Variants in ZEB2 observed in about 807,000 individuals in gnomAD.
ZEB2 encodes the protein zinc finger E-box binding homeobox 2, also known as zinc finger E-box-binding homeobox 2.
Under a neutral mutation model 99.9 loss-of-function variants are expected in ZEB2, and 6 were observed. The observed-to-expected ratio is 0.06, with a 90% CI of 0.03 to 0.12. ZEB2 has a LOEUF of 0.12. Among genes scored for constraint, ZEB2 ranks in the 10% least tolerant of loss-of-function variants. The pLI, the probability that ZEB2 is intolerant of heterozygous loss-of-function variation, is 1.00. For missense variants in ZEB2, 969 were observed against 1,502.8 expected (o/e 0.64, Z 5.87); for synonymous variants, 517 against 542.5 (o/e 0.95, Z 0.65).
At chr2:144,481,873 G>C (rs1293966050) in intron 2 of ZEB2, among the ~76,000 whole-genome samples, 2 of 152,132 alleles carry the variant, frequency 1.3e-5, no homozygotes, top group African/African-American at 4.8e-5. Flanking sequence ...TAACCATCAA[G>C]TTTACCTCCC....
At chr2:144,466,598 C>T (rs1315185818) in intron 2 of ZEB2, among the ~76,000 whole-genome samples, 2 of 152,102 alleles carry the variant, frequency 1.3e-5, no homozygotes, top group African/African-American at 4.8e-5. Flanking sequence ...CTGAATCTTC[C>T]GCTGTGCAAC....
chr2:144,509,852 A>G (rs372389648), intron 2 of ZEB2, among the ~76,000 whole-genome samples: 2 of 152,308 alleles, frequency 1.3e-5, no homozygotes, highest in African/African-American at 2.4e-5. Flanking sequence ...GGTGGCAAAT[A>G]ACACAGTAAA....
At chr2:144,400,383 C>T (rs1026494622) in intron 7 of ZEB2, 113 bp from the exon 8 acceptor site, 2 of 1,148,306 alleles carry the variant, frequency 1.7e-6, no homozygotes, top group African/African-American at 1.5e-5. Flanking sequence ...TGGGGTACCT[C>T]TACATTCTAG....
At position 144,398,793 on chromosome 2, in the gene ZEB2, A is replaced by G. The variant is rs1703265580; in HGVS notation, c.2394T>C (p.Ser798=). The G allele has an allele frequency of 6.2e-7, 1 of 1,613,990 alleles. No homozygotes were observed. Among genetic ancestry groups the G allele is most frequent in the South Asian group, 1.1e-5 (1 of 91,086 alleles). The change falls in exon 8 of 10, where the codon AGT becomes AGC. Residue 798 remains serine, a synonymous_variant. Coordinates refer to ENST00000627532, the MANE Select transcript of ZEB2 (RefSeq NM_014795.4). ...AGAAGCTGTTTGGAGTGTATGAACT[A>G]CTGTGGGAGTTTTTAGAAGATGTGG... ...LSSTSSKNSH[S]SSYTPNSFSS...
chr2:144,400,371 A>G, intron 7 of ZEB2, 101 bp from the exon 8 acceptor site: 1 of 1,286,942 alleles, frequency 7.8e-7, no homozygotes, highest in Non-Finnish European at 1.1e-6. Flanking sequence ...AAAGGAACAC[A>G]ATGGGGTACC....
rs151026036 is a variant in ZEB2 at position 144,499,956 on chromosome 2, T to C, written c.73+17322A>G. On this transcript the variant is annotated intron_variant, in intron 2 of 9. Transcript: ENST00000627532. ...TCTATGGCAGCATTTGTTCAGCATTTGGTACAAATGGGAGAAAAAAGATAC... is the reference window on the plus strand; with the variant it reads ...TCTATGGCAGCATTTGTTCAGCATTCGGTACAAATGGGAGAAAAAAGATAC... 2.6e-5 allele frequency among the ~76,000 whole-genome samples: 4 copies of C among 152,340 alleles called. No homozygotes were observed. In the East Asian group the frequency reaches 7.7e-4, roughly 29 times the overall value.
chr2:144,478,269 GA>G (rs1704458344), intron 2 of ZEB2, among the ~76,000 whole-genome samples: 1 of 152,230 alleles, frequency 6.6e-6, no homozygotes, highest in Admixed American at 6.5e-5. Context: ...AGGACACTTA[GA>G]GCATGAATAA....
chr2:144,389,761 T>G lies in ZEB2; in HGVS notation c.3335A>C (p.Tyr1112Ser). 6.2e-7 allele frequency: 1 copy of G among 1,608,858 alleles called. No homozygotes were observed. The highest frequency in any genetic ancestry group is 8.5e-7 in the Non-Finnish European group (1 of 1,176,418). ...EPTELLMNRA[Y>S]LQSITPQGYS... is the part of the protein sequence containing the mutation. ...CCCCTGAGGGGTAATGCTCTGCAAG[T>G]AAGCCCGGTTCATCAGCAGCTCGGT... The change falls in exon 10 of 10, where the codon TAC (tyrosine) becomes TCC (serine). Residue 1112 changes from tyrosine (Y) to serine (S), a missense_variant. This residue lies in a region of ZEB2 where 121 missense variants were observed against 166.4 expected (regional missense o/e 0.73). Coordinates refer to ENST00000627532, the MANE Select transcript of ZEB2 (RefSeq NM_014795.4). This position sits in a 1 kb window ranked among gnomAD's most constrained non-coding sequence, Gnocchi z 6.8.
chr2:144,494,018 T>G (rs1360347678), intron 2 of ZEB2, among the ~76,000 whole-genome samples: 2 of 151,564 alleles, frequency 1.3e-5, no homozygotes, highest in African/African-American at 2.4e-5. Context: ...CGGGCGTGGT[T>G]GCAGGCACCT....
At chr2:144,490,250 A>G (rs1486469974) in intron 2 of ZEB2, among the ~76,000 whole-genome samples, 1 of 152,238 alleles carries the variant, frequency 6.6e-6, no homozygotes, top group Non-Finnish European at 1.5e-5. Flanking sequence ...TTGCTAAGCC[A>G]CAGTTTCCTG....
chr2:144,442,864 G>A (rs1446944480), intron 2 of ZEB2, among the ~76,000 whole-genome samples: 3 of 152,084 alleles, frequency 2.0e-5, no homozygotes, highest in African/African-American at 7.2e-5. Context: ...ACATTGCGTG[G>A]CACAGAAAGC....
intron 1 of ZEB2, 106 bp from the exon 2 acceptor site, chr2:144,517,525 G>A: frequency 1.4e-6 from 1 of 738,344 alleles, no homozygotes. Flanking sequence ...ACCCATCCGC[G>A]CCCCCCAACG....
intron 2 of ZEB2, among the ~76,000 whole-genome samples, chr2:144,451,384 G>A (rs1182074526): frequency 6.6e-6 from 1 of 152,104 alleles, no homozygotes; most frequent in Non-Finnish European, 1.5e-5. Flanking sequence ...TTTGTGCTTA[G>A]GAAAATAAAT....
chr2:144,513,207 T>TA, intron 2 of ZEB2: 1 of 1,287,254 alleles, frequency 7.8e-7, no homozygotes, highest in South Asian at 1.2e-5. Context: ...TAACCATCAC[T>TA]ACCAGCACCT....
chr2:144,431,420 T>A (rs951569755), intron 2 of ZEB2, among the ~76,000 whole-genome samples: 1 of 151,850 alleles, frequency 6.6e-6, no homozygotes, highest in African/African-American at 2.4e-5. Context: ...CATGTGAAGC[T>A]GGGGACAAAA....
chr2:144,448,153 T>G (rs1704009824), intron 2 of ZEB2, among the ~76,000 whole-genome samples: 1 of 152,204 alleles, frequency 6.6e-6, no homozygotes. Flanking sequence ...CACATGCTAA[T>G]TTTGTGACAA....
chr2:144,449,230 G>A (rs1478305930), intron 2 of ZEB2, among the ~76,000 whole-genome samples: 4 of 152,210 alleles, frequency 2.6e-5, no homozygotes, highest in South Asian at 2.1e-4. Context: ...AAGGGAGCAG[G>A]CGGGAGAGGA....
intron 2 of ZEB2, chr2:144,513,578 G>A: frequency 6.5e-7 from 1 of 1,528,750 alleles, no homozygotes; most frequent in Non-Finnish European, 8.7e-7. Flanking sequence ...GCATGTCTCT[G>A]TGAGATTTTT....
At chr2:144,424,051 G>A (rs1374720199) in intron 4 of ZEB2, among the ~76,000 whole-genome samples, 2 of 152,078 alleles carry the variant, frequency 1.3e-5, no homozygotes, top group Admixed American at 1.3e-4. Context: ...AAAGAGAGAT[G>A]GAACATGTAA....
Sources: gnomAD v4.1 joint callset for allele counts (sites outside exome capture counted in the v4.1 genomes callset) on GRCh38, gnomAD v4.1.1 for gene constraint, gnomAD v4.1.1 regional missense constraint, Gnocchi (gnomAD v3.1) non-coding constraint, MANE v1.5 for transcripts, NCBI Gene and HGNC (gene_info 2026-07-23, HGNC 2026-07-21) for gene names.